Variants in XXYLT1 observed in about 807,000 individuals in gnomAD.
The protein encoded by XXYLT1 is xyloside xylosyltransferase 1, also known as UDP-xylose:alpha-xyloside alpha-1,3-xylosyltransferase.
XXYLT1 carries 20 observed loss-of-function variants against 28.9 expected under a neutral mutation model. The observed-to-expected ratio is 0.69, with a 90% CI of 0.49 to 1.00. The LOEUF is 1.00. XXYLT1 is among the 50% of genes least tolerant of loss of function. The probability of loss-of-function intolerance (pLI) is 0.00; values close to 1 mark genes in which losing one functional copy is unlikely to be tolerated. For synonymous variants in XXYLT1, 257 were observed against 253.8 expected, an observed-to-expected ratio of 1.01 and a Z score of -0.12; for missense variants, 542 against 560.1, an observed-to-expected ratio of 0.97 and a Z score of 0.33.
At position 195,255,473 on chromosome 3, in the gene XXYLT1, G is replaced by A. The variant is rs1038901622; in HGVS notation, c.504+15082C>T. On this transcript the variant is annotated intron_variant, in intron 1 of 3. Transcript: ENST00000310380. The surrounding 1 kb of genome is among the most constrained non-coding windows in gnomAD (Gnocchi z 4.5). ...GGCCTGCAGCTGAGGAGGCTGCAAA[G>A]CTTCCTTCTGGAGCAGCCGATCAGT... is the stretch of plus-strand genomic sequence containing the variant. Among the ~76,000 whole-genome samples, 1 of 149,682 alleles carries A rather than the reference G, an allele frequency of 6.7e-6. No homozygotes were observed. Among genetic ancestry groups the A allele is most frequent in the Admixed American group, 6.6e-5 (1 of 15,122 alleles).
intron 2 of XXYLT1, among the ~76,000 whole-genome samples, chr3:195,166,928 C>T (rs1283235289): frequency 3.3e-5 from 5 of 152,264 alleles, no homozygotes; most frequent in Admixed American, 1.3e-4. Flanking sequence ...CCACCCACCT[C>T]GGCCTCCCAA....
intron 2 of XXYLT1, among the ~76,000 whole-genome samples, chr3:195,207,169 A>C (rs1305445997): frequency 2.6e-5 from 4 of 152,272 alleles, no homozygotes; most frequent in African/African-American, 9.6e-5. Flanking sequence ...CGCGGGTCTG[A>C]GGAGCGCCTG....
intron 2 of XXYLT1, among the ~76,000 whole-genome samples, chr3:195,226,077 C>A (rs985923027): frequency 6.6e-6 from 1 of 152,104 alleles, no homozygotes; most frequent in Non-Finnish European, 1.5e-5. Context: ...GTAGGGAGAT[C>A]CTAGAAACCA....
intron 3 of XXYLT1, among the ~76,000 whole-genome samples, chr3:195,109,637 GGTGT>G (rs1482759313): frequency 2.6e-5 from 3 of 116,450 alleles, no homozygotes; most frequent in Admixed American, 1.7e-4. Context: ...GTGTCTGTGT[GGTGT>G]GTGTGGTGTA....
At chr3:195,238,397 C>A (rs143353606) in intron 1 of XXYLT1, among the ~76,000 whole-genome samples, 82 of 152,348 alleles carry the variant, frequency 5.4e-4, no homozygotes, top group African/African-American at 1.9e-3. Flanking sequence ...GGGCTCCACT[C>A]ACCCTGTCTG....
At chr3:195,072,482 G>A (rs1465705561) in intron 3 of XXYLT1, among the ~76,000 whole-genome samples, 1 of 151,284 alleles carries the variant, frequency 6.6e-6, no homozygotes, top group South Asian at 2.1e-4. Flanking sequence ...CTCAGGAGAT[G>A]GGGGCCGCAG....
chr3:195,246,429 T>C (rs957221718), intron 1 of XXYLT1, among the ~76,000 whole-genome samples: 1 of 152,216 alleles, frequency 6.6e-6, no homozygotes, highest in Admixed American at 6.5e-5. Flanking sequence ...AGCACAGCAA[T>C]ACACAGTGTG....
chr3:195,228,902 T>C (rs139710152), intron 1 of XXYLT1, among the ~76,000 whole-genome samples: 9,248 of 151,730 alleles, frequency 0.061, 977 homozygotes, highest in African/African-American at 0.21. Context: ...AACCTCTGCT[T>C]CCCAGGTTCA....
chr3:195,112,512 A>C (rs6767385), intron 3 of XXYLT1, among the ~76,000 whole-genome samples: 4,382 of 31,208 alleles, frequency 0.14, 104 homozygotes, highest in Middle Eastern at 0.35. Flanking sequence ...ACCCACACAC[A>C]CCCACACACA....
chr3:195,262,644 C>T (rs1426178231), intron 1 of XXYLT1, among the ~76,000 whole-genome samples: 5 of 152,148 alleles, frequency 3.3e-5, no homozygotes, highest in Non-Finnish European at 5.9e-5. Flanking sequence ...AAATCCCCGT[C>T]GATCAGTGTA....
rs544592369 is a variant in XXYLT1 at position 195,176,995 on chromosome 3, G to A, written c.653-20414C>T. ...CACAGCAGGTCGGGGACCACATGCC[G>A]CCCTCCTCGCTGGGCTCTCACATCA... On this transcript the variant is annotated intron_variant, in intron 2 of 3. Coordinates refer to ENST00000310380, the MANE Select transcript of XXYLT1 (RefSeq NM_152531.5). This position sits in a 1 kb window ranked among gnomAD's most constrained non-coding sequence, Gnocchi z 4.9. 4.6e-5 allele frequency among the ~76,000 whole-genome samples: 7 copies of A among 152,302 alleles called. No homozygotes were observed. Among genetic ancestry groups the A allele is most frequent in the Admixed American group, 6.5e-5 (1 of 15,300 alleles).
Position 195,210,720 on chromosome 3 carries a change from C to T in XXYLT1, c.652+15989G>A, listed in dbSNP as rs1039871208. ...CTGTCCCTCTTCAGAATAAGAGAAC[C>T]GAAATGCCTCAAATTTGCTCCATAA... is the stretch of plus-strand genomic sequence containing the variant. On this transcript the variant is annotated intron_variant, in intron 2 of 3. Transcript: ENST00000310380. The surrounding 1 kb of genome is among the most constrained non-coding windows in gnomAD (Gnocchi z 4.8). Among the ~76,000 whole-genome samples the T allele has an allele frequency of 6.6e-6, 1 of 152,118 alleles. No individual in the cohort carries two copies. Among genetic ancestry groups the T allele is most frequent in the Non-Finnish European group, 1.5e-5 (1 of 68,022 alleles).
chr3:195,117,855 T>G (rs1436151592), intron 3 of XXYLT1, among the ~76,000 whole-genome samples: 1 of 152,244 alleles, frequency 6.6e-6, no homozygotes, highest in Non-Finnish European at 1.5e-5. Context: ...GAGTTCCCAT[T>G]CCTGGGCCCC....
intron 3 of XXYLT1, among the ~76,000 whole-genome samples, chr3:195,070,630 G>GGA (rs1004070318): frequency 6.6e-6 from 1 of 152,200 alleles, no homozygotes; most frequent in Middle Eastern, 3.2e-3. Flanking sequence ...AAAGGAGAAG[G>GGA]GAGAGAGAAG....
intron 2 of XXYLT1, among the ~76,000 whole-genome samples, chr3:195,178,574 A>C (rs1342593139): frequency 6.6e-6 from 1 of 152,176 alleles, no homozygotes; most frequent in Non-Finnish European, 1.5e-5. Context: ...CTCCATCAGC[A>C]GAGGCAGAGC....
intron 2 of XXYLT1, among the ~76,000 whole-genome samples, chr3:195,219,450 C>G (rs1255396525): frequency 1.3e-5 from 2 of 152,158 alleles, no homozygotes. Flanking sequence ...CAAAAGGCCA[C>G]ACACACACTG....
Position 195,209,905 on chromosome 3 carries a change from G to C in XXYLT1, c.652+16804C>G, listed in dbSNP as rs1363882326. The C allele has an allele frequency of 6.6e-6, 1 of 152,494 alleles. No individual in the cohort carries two copies. Among genetic ancestry groups the C allele is most frequent in the East Asian group, 1.9e-4 (1 of 5,202 alleles). 9.4% of individuals were successfully genotyped at this position (152,494 alleles called of 1,614,324 possible). ...CCTGGCCATCAGCAACTACACACAG[G>C]ACTTGAGTACAGAAATGAGTCTTCT... On this transcript the variant is annotated intron_variant, in intron 2 of 3. Coordinates refer to ENST00000310380, the MANE Select transcript of XXYLT1 (RefSeq NM_152531.5). This position sits in a 1 kb window ranked among gnomAD's most constrained non-coding sequence, Gnocchi z 5.0.
intron 2 of XXYLT1, among the ~76,000 whole-genome samples, chr3:195,174,670 T>C (rs1192484469): frequency 7.2e-6 from 1 of 137,972 alleles, no homozygotes; most frequent in Non-Finnish European, 1.6e-5. Context: ...CCTCCCTCCT[T>C]TCCTTCCCTC....
rs577418731 is a variant in XXYLT1 at position 195,234,612 on chromosome 3, C to A, written c.505-7756G>T. Among the ~76,000 whole-genome samples, 11 of 152,290 alleles carry A rather than the reference C, an allele frequency of 7.2e-5. No homozygotes were observed. The South Asian group carries it at 2.3e-3, about 32-fold the overall frequency. On this transcript the variant is annotated intron_variant, in intron 1 of 3. Transcript: ENST00000310380. ...CGGATTACAGGCATGAGCCACCGCA[C>A]CCAGCCTGAAGGATATTTTTGCCAT...
Sources: gnomAD v4.1 joint callset for allele counts (sites outside exome capture counted in the v4.1 genomes callset) on GRCh38, gnomAD v4.1.1 for gene constraint, Gnocchi (gnomAD v3.1) non-coding constraint, MANE v1.5 for transcripts, NCBI Gene and HGNC (gene_info 2026-07-23, HGNC 2026-07-21) for gene names.